The following KIZ variants were observed in gnomAD, a reference collection of about 807,000 sequenced individuals.
The protein encoded by KIZ is centrosomal protein kizuna.
A neutral mutation model predicts 79.6 loss-of-function variants in KIZ; 68 were observed. The observed-to-expected ratio is 0.85, with a 90% CI of 0.70 to 1.05. KIZ has a LOEUF of 1.05. Among genes scored for constraint, KIZ ranks in the 50% least tolerant of loss-of-function variants. KIZ has a pLI of 0.00. For missense variants in KIZ, 797 were observed against 800.4 expected (o/e 1.00, Z 0.05); for synonymous variants, 280 against 281.8 (o/e 0.99, Z 0.06).
At chr20:21,167,402 C>T (rs2033990179) in intron 6 of KIZ, among the ~76,000 whole-genome samples, 1 of 151,704 alleles carries the variant, frequency 6.6e-6, no homozygotes, top group Non-Finnish European at 1.5e-5. Context: ...TGTGCTTCCC[C>T]TCCCCTTATA....
intron 7 of KIZ, among the ~76,000 whole-genome samples, chr20:21,208,451 C>T (rs2035930225): frequency 6.6e-6 from 1 of 152,190 alleles, no homozygotes; most frequent in African/African-American, 2.4e-5. Context: ...CGCCTGTAAT[C>T]CCAGCACTTT....
chr20:21,208,113 C>T (rs938211894), intron 7 of KIZ, among the ~76,000 whole-genome samples: 3 of 152,150 alleles, frequency 2.0e-5, no homozygotes, highest in African/African-American at 7.2e-5. Flanking sequence ...TTGTTCACTG[C>T]AAGTACATCA....
intron 9 of KIZ, among the ~76,000 whole-genome samples, chr20:21,222,044 G>A (rs1308547301): frequency 6.6e-6 from 1 of 152,250 alleles, no homozygotes; most frequent in African/African-American, 2.4e-5. Flanking sequence ...TCCATTGAAA[G>A]TCCACGTGGC....
intron 1 of KIZ, among the ~76,000 whole-genome samples, chr20:21,131,424 C>A (rs2031835140): frequency 6.6e-6 from 1 of 152,150 alleles, no homozygotes; most frequent in Admixed American, 6.5e-5. Flanking sequence ...AAGGCCTGGT[C>A]TTCATCAGAT....
intron 11 of KIZ, among the ~76,000 whole-genome samples, chr20:21,236,055 T>A: frequency 6.6e-6 from 1 of 152,252 alleles, no homozygotes; most frequent in East Asian, 1.9e-4. Flanking sequence ...TAAATTCCAC[T>A]GAATTAGCAG....
intron 11 of KIZ, among the ~76,000 whole-genome samples, chr20:21,243,016 A>G (rs1015102129): frequency 6.6e-6 from 1 of 152,132 alleles, no homozygotes; most frequent in Non-Finnish European, 1.5e-5. Context: ...GAGGTGGGGA[A>G]ATAATAGACA....
In KIZ at chr20:21,136,458, A is replaced by G. The variant is rs930337422; in HGVS notation, c.221A>G (p.His74Arg). 3.8e-6 allele frequency: 6 copies of G among 1,584,460 alleles called. No homozygotes were observed. The Admixed American group carries it at 7.0e-5, about 19-fold the overall frequency. ...ATATGTGAATCTGAAAAGAAGGCTC[A>G]TACTCGAAACCAAGAATATTTAAAG... ...KEICESEKKA[H>R]TRNQEYLKRF... Residue 74 changes from histidine (H) to arginine (R), a missense_variant, in exon 3 of 13, where the codon CAT becomes CGT. Physicochemically the swap from His to Arg is conservative, Grantham distance 29 (BLOSUM62 0). Coordinates refer to ENST00000619189, the MANE Select transcript of KIZ (RefSeq NM_018474.6).
chr20:21,208,653 G>C (rs2035940899), intron 7 of KIZ, among the ~76,000 whole-genome samples: 1 of 151,508 alleles, frequency 6.6e-6, no homozygotes, highest in South Asian at 2.1e-4. Context: ...CGGTGACCGA[G>C]ATTGCGCCAC....
rs2034881043 is a variant in KIZ, at chr20:21,186,499, CA to C, written c.1353-18991del. Reference sequence around the variant, plus strand: ...CTGACACTGACAAAAGAGGTCATTGCATCTGGTTCCCAGCTACTTCCATACT... The same window carrying C: ...CTGACACTGACAAAAGAGGTCATTGCTCTGGTTCCCAGCTACTTCCATACT... On this transcript the variant is annotated intron_variant, in intron 6 of 12. Transcript: ENST00000619189. Among the ~76,000 whole-genome samples, 4 of 151,252 alleles carry C rather than the reference CA, an allele frequency of 2.6e-5. No homozygotes were observed. In the South Asian group the frequency reaches 8.4e-4, roughly 32 times the overall value.
intron 9 of KIZ, among the ~76,000 whole-genome samples, chr20:21,223,252 G>A (rs999661257): frequency 2.0e-5 from 3 of 152,302 alleles, no homozygotes; most frequent in Middle Eastern, 3.4e-3. Flanking sequence ...ATGGCAAGAC[G>A]CAAAAGTGTT....
At chr20:21,156,567 GATAATA>G (rs2033391905) in intron 4 of KIZ, among the ~76,000 whole-genome samples, 1 of 152,106 alleles carries the variant, frequency 6.6e-6, no homozygotes, top group African/African-American at 2.4e-5. Context: ...AATACTTGGT[GATAATA>G]ATAATAAATG....
chr20:21,171,654 A>G (rs1333798450), intron 6 of KIZ, among the ~76,000 whole-genome samples: 2 of 152,186 alleles, frequency 1.3e-5, no homozygotes, highest in Non-Finnish European at 2.9e-5. Context: ...CATGTTGGCC[A>G]GGCCAGTCTC....
intron 6 of KIZ, chr20:21,202,421 G>A (rs879328719): frequency 9.2e-5 from 14 of 152,330 alleles, no homozygotes; most frequent in Admixed American, 9.2e-4. Context: ...AAGGAATTGG[G>A]TAGTTTAATG....
In KIZ at chr20:21,136,515, A is replaced by G. The variant is rs1224777569; in HGVS notation, c.278A>G (p.His93Arg). 9 of 1,591,556 alleles carry G rather than the reference A, an allele frequency of 5.7e-6. No homozygotes were observed. Among genetic ancestry groups the G allele is most frequent in the African/African-American group, 1.4e-5 (1 of 73,896 alleles). ...GAGCGTGTCCAAGCTCATGTTGTACACTTCACCACAAATACAGAGAAGCTT... is the reference window on the plus strand; with the variant it reads ...GAGCGTGTCCAAGCTCATGTTGTACGCTTCACCACAAATACAGAGAAGCTT... ...RFERVQAHVVHFTTNTEKLQK... is the reference protein window; with the variant it reads ...RFERVQAHVVRFTTNTEKLQK... The change falls in exon 3 of 13, where the codon CAC (histidine) becomes CGC (arginine). Residue 93 changes from histidine to arginine, a missense_variant. Coordinates refer to ENST00000619189, the MANE Select transcript of KIZ (RefSeq NM_018474.6).
chr20:21,151,514 G>T (rs1303917551), intron 4 of KIZ: 1 of 152,140 alleles, frequency 6.6e-6, no homozygotes, highest in Non-Finnish European at 1.5e-5. Flanking sequence ...AAGGGGAAAA[G>T]AAACGTAAGT....
intron 6 of KIZ, chr20:21,197,877 T>A (rs1321742886): frequency 6.6e-6 from 1 of 152,198 alleles, no homozygotes; most frequent in Non-Finnish European, 1.5e-5. Context: ...AAAGAAGACC[T>A]TGAAGCTCAC....
chr20:21,224,372 C>T (rs2036596665), intron 9 of KIZ, among the ~76,000 whole-genome samples: 1 of 152,316 alleles, frequency 6.6e-6, no homozygotes, highest in Non-Finnish European at 1.5e-5. Flanking sequence ...ATATATCTCA[C>T]AATTTTTATT....
intron 9 of KIZ, among the ~76,000 whole-genome samples, chr20:21,226,463 T>A (rs1319608363): frequency 1.3e-5 from 2 of 152,244 alleles, no homozygotes; most frequent in Non-Finnish European, 2.9e-5. Flanking sequence ...AATTTTGTTT[T>A]TCCTGTGTAG....
At chr20:21,243,593 T>C (rs915022942) in intron 11 of KIZ, among the ~76,000 whole-genome samples, 4 of 152,146 alleles carry the variant, frequency 2.6e-5, no homozygotes, top group African/African-American at 9.7e-5. Context: ...GACTTTTAAA[T>C]TCATTAAAAT....
Sources: gnomAD v4.1 joint callset for allele counts (sites outside exome capture counted in the v4.1 genomes callset) on GRCh38, gnomAD v4.1.1 for gene constraint, MANE v1.5 for transcripts, NCBI Gene and HGNC (gene_info 2026-07-23, HGNC 2026-07-21) for gene names.